KIF13B: variants seen among roughly 807,000 people sequenced by gnomAD.
KIF13B encodes the protein kinesin family member 13B, also known as kinesin-like protein KIF13B.
Under a neutral mutation model 222.0 loss-of-function variants are expected in KIF13B, and 127 were observed. The observed-to-expected ratio is 0.57, with a 90% CI of 0.50 to 0.66. KIF13B has a LOEUF of 0.66. KIF13B is among the 30% of genes least tolerant of loss of function. The probability of loss-of-function intolerance (pLI) is 0.00; values close to 1 mark genes in which losing one functional copy is unlikely to be tolerated. For synonymous variants in KIF13B, 976 were observed against 919.0 expected (o/e 1.06, Z -1.12); for missense variants, 2,173 against 2,379.0 (o/e 0.91, Z 1.80).
intron 29 of KIF13B, among the ~76,000 whole-genome samples, chr8:29,120,460 G>T: frequency 3.6e-5 from 1 of 28,120 alleles, no homozygotes; most frequent in African/African-American, 1.5e-4. Flanking sequence ...ATAGTTTACT[G>T]AGAATGATGG....
intron 37 of KIF13B, among the ~76,000 whole-genome samples, chr8:29,083,039 G>A (rs1807882620): frequency 6.6e-6 from 1 of 151,802 alleles, no homozygotes; most frequent in Admixed American, 6.6e-5. Flanking sequence ...TGAGATGGGA[G>A]AATCACTTGA....
chr8:29,105,263 G>A (rs1185387010), intron 35 of KIF13B, among the ~76,000 whole-genome samples: 3 of 152,052 alleles, frequency 2.0e-5, no homozygotes, highest in African/African-American at 4.8e-5. Flanking sequence ...GAGCCACCGC[G>A]CCCGGCCTGT....
chr8:29,097,332 C>T lies in KIF13B; in HGVS notation c.4324+1801G>A, dbSNP rs79995659. 3.1e-3 allele frequency among the ~76,000 whole-genome samples: 469 copies of T among 152,094 alleles called. 3 individuals carry two copies. The highest frequency in any genetic ancestry group is 4.1e-3 in the Non-Finnish European group (280 of 68,000). On this transcript the variant is annotated intron_variant, in intron 36 of 39. Coordinates refer to ENST00000524189, the MANE Select transcript of KIF13B (RefSeq NM_015254.4). ...AATAATTAGAAGCTAATTATCAGAG[C>T]TTCTAAATGAATGAAGTAAAAACTG... is the stretch of plus-strand genomic sequence containing the variant.
At chr8:29,180,379 T>C in intron 7 of KIF13B, 141 bp from the exon 8 acceptor site, 6 of 855,640 alleles carry the variant, frequency 7.0e-6, no homozygotes, top group South Asian at 4.7e-5. Flanking sequence ...TCAATGAATA[T>C]TGAGCCCCAT....
At chr8:29,207,753 G>C (rs1814019356) in intron 2 of KIF13B, among the ~76,000 whole-genome samples, 1 of 152,088 alleles carries the variant, frequency 6.6e-6, no homozygotes, top group African/African-American at 2.4e-5. Flanking sequence ...CTATAGAAGA[G>C]ACCAGGTATA....
Position 29,192,402 on chromosome 8 carries a change from T to C in KIF13B, c.163-1345A>G, listed in dbSNP as rs1813229016. Among the ~76,000 whole-genome samples the C allele has an allele frequency of 3.3e-5, 5 of 152,260 alleles. No homozygotes were observed. The South Asian group carries it at 1.0e-3, about 32-fold the overall frequency. ...CTTACTGCTGGTCCTTGAAGTTATA[T>C]ATGTTGTTGTTGTGTTTTTCTAGTT... On this transcript the variant is annotated intron_variant, in intron 3 of 39. Transcript: ENST00000524189.
chr8:29,232,339 A>G (rs1815321504), intron 2 of KIF13B, among the ~76,000 whole-genome samples: 1 of 150,354 alleles, frequency 6.7e-6, no homozygotes, highest in Non-Finnish European at 1.5e-5. Context: ...TGGGAAACCA[A>G]GATGGGAGGA....
At chr8:29,220,794 G>T (rs912461219) in intron 2 of KIF13B, among the ~76,000 whole-genome samples, 1 of 152,044 alleles carries the variant, frequency 6.6e-6, no homozygotes, top group Non-Finnish European at 1.5e-5. Context: ...GAGAGATAAC[G>T]TTTAAGGTTG....
chr8:29,179,982 G>T, intron 8 of KIF13B, 122 bp downstream of exon 8: 1 of 1,070,642 alleles, frequency 9.3e-7, no homozygotes, highest in Non-Finnish European at 1.4e-6. Context: ...TTCTCGTCCA[G>T]AGTCCTCATT....
chr8:29,174,987 C>T (rs953715387), intron 10 of KIF13B, among the ~76,000 whole-genome samples: 9 of 152,128 alleles, frequency 5.9e-5, no homozygotes, highest in Non-Finnish European at 5.9e-5. Flanking sequence ...GCTACTGGGG[C>T]GGCCCGTGTT....
intron 2 of KIF13B, among the ~76,000 whole-genome samples, chr8:29,232,184 A>C (rs1328256357): frequency 6.6e-6 from 1 of 152,022 alleles, no homozygotes; most frequent in Non-Finnish European, 1.5e-5. Flanking sequence ...TTGAACCTGG[A>C]AAGGTTGAGG....
intron 35 of KIF13B, among the ~76,000 whole-genome samples, chr8:29,107,128 C>T (rs372658754): frequency 2.0e-5 from 3 of 152,186 alleles, no homozygotes; most frequent in Admixed American, 6.5e-5. Context: ...ATAAAATTTC[C>T]GTTCCCTTGT....
At chr8:29,198,475 C>T (rs1433254053) in intron 2 of KIF13B, among the ~76,000 whole-genome samples, 1 of 152,138 alleles carries the variant, frequency 6.6e-6, no homozygotes, top group African/African-American at 2.4e-5. Context: ...GGGCACACCA[C>T]CACGCCCGGC....
At chr8:29,246,603 AG>A (rs1025379990) in intron 1 of KIF13B, among the ~76,000 whole-genome samples, 19 of 152,324 alleles carry the variant, frequency 1.2e-4, no homozygotes, top group African/African-American at 4.1e-4. Context: ...AAAACCAACA[AG>A]GTCTGACAAT....
At chr8:29,152,567 C>G (rs1289585890) in intron 14 of KIF13B, among the ~76,000 whole-genome samples, 1 of 152,040 alleles carries the variant, frequency 6.6e-6, no homozygotes, top group African/African-American at 2.4e-5. Context: ...AAGGCTACCC[C>G]CTGCTGAAGG....
Position 29,197,358 on chromosome 8 carries a change from A to C in KIF13B, c.150-1159T>G, listed in dbSNP as rs34595426. 3.2e-4 allele frequency among the ~76,000 whole-genome samples: 47 copies of C among 148,010 alleles called. 1 individual carries two copies. The highest frequency in any genetic ancestry group is 1.2e-3 in the African/African-American group (47 of 39,746). On this transcript the variant is annotated intron_variant, in intron 2 of 39. Coordinates refer to ENST00000524189, the MANE Select transcript of KIF13B (RefSeq NM_015254.4). ...TCTCAAAAAAAAAAAAAAAAAAAAA[A>C]AAACTCAATATATACAGTCAATGTA...
chr8:29,242,811 A>T (rs1815839647), intron 2 of KIF13B, among the ~76,000 whole-genome samples: 1 of 152,244 alleles, frequency 6.6e-6, no homozygotes, highest in Non-Finnish European at 1.5e-5. Flanking sequence ...CAATTAGTTG[A>T]TACCAAGAAG....
rs117235349 is a variant in KIF13B at position 29,258,230 on chromosome 8, G to A, written c.55+4750C>T. ...CTACCAGCATCTTCTAAGCTTCCTC[G>A]CACTTGCTGGGTTTTTCCTTTGCCT... On this transcript the variant is annotated intron_variant, in intron 1 of 39. Coordinates refer to ENST00000524189, the MANE Select transcript of KIF13B (RefSeq NM_015254.4). 5.7e-3 allele frequency among the ~76,000 whole-genome samples: 869 copies of A among 152,172 alleles called. 3 individuals are homozygous for A. The highest frequency in any genetic ancestry group is 9.3e-3 in the Non-Finnish European group (635 of 67,992).
chr8:29,120,191 T>TA (rs1809797774), intron 29 of KIF13B, among the ~76,000 whole-genome samples: 1 of 80,268 alleles, frequency 1.2e-5, no homozygotes, highest in Admixed American at 1.2e-4. Flanking sequence ...TTTTTTTTTT[T>TA]ATTATACTCT....
Sources: allele counts gnomAD v4.1 joint callset (sites outside exome capture counted in the v4.1 genomes callset), GRCh38; gene constraint gnomAD v4.1.1; transcripts MANE v1.5; gene names NCBI Gene and HGNC (gene_info 2026-07-23, HGNC 2026-07-21).